EXD1: variants seen among roughly 807,000 people sequenced by gnomAD.
EXD1 encodes the protein piRNA biogenesis protein EXD1.
Under a neutral mutation model 49.1 loss-of-function variants are expected in EXD1, and 63 were observed. That is an observed-to-expected ratio of 1.28 (90% confidence interval 1.05 to 1.58). The LOEUF is 1.58. Among genes scored for constraint, EXD1 ranks in the 40% most tolerant of loss-of-function variants. EXD1 has a pLI of 0.00. For synonymous variants in EXD1, 234 were observed against 239.2 expected (o/e 0.98, Z 0.20); for missense variants, 748 against 666.0 (o/e 1.12, Z -1.36).
chr15:41,191,003 G>A (rs1204030443), intron 10 of EXD1, among the ~76,000 whole-genome samples: 2 of 151,710 alleles, frequency 1.3e-5, no homozygotes, highest in African/African-American at 2.4e-5. Flanking sequence ...AATGTCCACC[G>A]CCCCTGCCCC....
At position 41,199,258 on chromosome 15, in the gene EXD1, T is replaced by A. The variant is rs1037156696; in HGVS notation, c.535-3221A>T. ...TGAGCTACCACACCTGGCCAAAAATTTTTTTTTAATATGGAGATGGGGTCT... is the reference window on the plus strand; with the variant it reads ...TGAGCTACCACACCTGGCCAAAAATATTTTTTTAATATGGAGATGGGGTCT... On this transcript the variant is annotated intron_variant, in intron 7 of 11. Transcript: ENST00000458580. 7.9e-5 allele frequency among the ~76,000 whole-genome samples: 12 copies of A among 151,868 alleles called. No individual in the cohort carries two copies. In the East Asian group the frequency reaches 2.3e-3, roughly 29 times the overall value.
chr15:41,208,369 GAAAAAAAA>G (rs10586810), intron 7 of EXD1, among the ~76,000 whole-genome samples: 1 of 62,680 alleles, frequency 1.6e-5, no homozygotes, highest in African/African-American at 5.2e-5. Context: ...ACTCATCTCT[GAAAAAAAA>G]AAAAAAAAAA....
In EXD1 at chr15:41,223,194, G is replaced by A. The variant is rs560163101; in HGVS notation, c.133+3249C>T. On this transcript the variant is annotated intron_variant, in intron 2 of 11. Coordinates refer to ENST00000458580, the MANE Select transcript of EXD1 (RefSeq NM_001286441.2). ...CCAGCACTTTGGAGGCTGAGTGGGA[G>A]AACTGCTTGAGCCCAGGAGTTCAAG... Among the ~76,000 whole-genome samples, 156 of 152,202 alleles carry A rather than the reference G, an allele frequency of 1.0e-3. 1 individual carries two copies. Among genetic ancestry groups the A allele is most frequent in the Non-Finnish European group, 1.6e-3 (110 of 68,002 alleles).
intron 2 of EXD1, among the ~76,000 whole-genome samples, chr15:41,221,271 C>T (rs574208551): frequency 3.3e-5 from 5 of 152,034 alleles, no homozygotes; most frequent in South Asian, 2.1e-4. Flanking sequence ...TTTTAATATG[C>T]TTTTTTATTT....
intron 11 of EXD1, among the ~76,000 whole-genome samples, chr15:41,184,945 A>C (rs691011): frequency 0.75 from 113,988 of 151,924 alleles, 42,940 homozygotes; most frequent in East Asian, 0.99. Context: ...CGTGAGCCAT[A>C]GTGCCCGGCC....
chr15:41,230,286 T>C (rs1024605476), intron 1 of EXD1, among the ~76,000 whole-genome samples, 193 bp downstream of exon 1: 3 of 152,072 alleles, frequency 2.0e-5, no homozygotes, highest in South Asian at 2.1e-4. Context: ...TTTCTCCATA[T>C]TGGTCAGGCT....
At chr15:41,208,369 G>GAAAAAAAAAAA (rs10586810) in intron 7 of EXD1, among the ~76,000 whole-genome samples, 2 of 62,678 alleles carry the variant, frequency 3.2e-5, no homozygotes, top group African/African-American at 1.0e-4. Context: ...ACTCATCTCT[G>GAAAAAAAAAAA]AAAAAAAAAA....
At chr15:41,218,779 A>C (rs898595078) in intron 3 of EXD1, among the ~76,000 whole-genome samples, 6 of 152,230 alleles carry the variant, frequency 3.9e-5, no homozygotes, top group African/African-American at 9.6e-5. Flanking sequence ...CAGAGTGTTC[A>C]TGACAGCATA....
intron 1 of EXD1, among the ~76,000 whole-genome samples, chr15:41,229,482 A>G (rs1228693617): frequency 1.3e-5 from 2 of 151,168 alleles, no homozygotes; most frequent in East Asian, 3.9e-4. Context: ...CAAAAAAACA[A>G]AACAAGCCAG....
At chr15:41,194,902 A>G (rs2046586325) in intron 9 of EXD1, among the ~76,000 whole-genome samples, 1 of 152,214 alleles carries the variant, frequency 6.6e-6, no homozygotes, top group Non-Finnish European at 1.5e-5. Context: ...TGAACCAAAT[A>G]TAGTAACATA....
intron 1 of EXD1, among the ~76,000 whole-genome samples, chr15:41,226,930 C>A (rs1426892304): frequency 1.3e-5 from 2 of 152,000 alleles, no homozygotes; most frequent in East Asian, 1.9e-4. Flanking sequence ...TTTAATGGCA[C>A]ATTTATACAT....
intron 2 of EXD1, among the ~76,000 whole-genome samples, chr15:41,222,557 ATCTT>A (rs2047104804): frequency 6.6e-6 from 1 of 152,060 alleles, no homozygotes; most frequent in Admixed American, 6.6e-5. Flanking sequence ...CATCCTTTGC[ATCTT>A]TCTATCAGAG....
intron 11 of EXD1, among the ~76,000 whole-genome samples, chr15:41,186,870 G>A (rs1478504033): frequency 1.3e-5 from 2 of 148,874 alleles, no homozygotes; most frequent in Non-Finnish European, 3.0e-5. Flanking sequence ...CACCTCCTGG[G>A]TTCAAGCGAT....
chr15:41,202,285 G>A (rs1294199439), intron 7 of EXD1, among the ~76,000 whole-genome samples: 2 of 151,522 alleles, frequency 1.3e-5, no homozygotes, highest in African/African-American at 2.4e-5. Flanking sequence ...AGTAATTCTC[G>A]TGCCTCAGCC....
chr15:41,191,779 C>T (rs1253477124), intron 9 of EXD1, among the ~76,000 whole-genome samples, 194 bp from the exon 10 acceptor site: 1 of 151,806 alleles, frequency 6.6e-6, no homozygotes, highest in Non-Finnish European at 1.5e-5. Flanking sequence ...GGAATAAAAG[C>T]TCAATTTTTT....
At chr15:41,218,147 C>T (rs2047029646) in intron 3 of EXD1, among the ~76,000 whole-genome samples, 2 of 152,044 alleles carry the variant, frequency 1.3e-5, no homozygotes, top group South Asian at 4.1e-4. Context: ...GAGTTCGAGA[C>T]CAGCCTGGCC....
chr15:41,206,130 G>A (rs2046818363), intron 7 of EXD1, among the ~76,000 whole-genome samples: 1 of 152,056 alleles, frequency 6.6e-6, no homozygotes, highest in South Asian at 2.1e-4. Flanking sequence ...TAGATTATGT[G>A]TAAAACTGAT....
chr15:41,216,150 TCA>T (rs1454779379), intron 5 of EXD1, among the ~76,000 whole-genome samples: 1 of 152,152 alleles, frequency 6.6e-6, no homozygotes, highest in Non-Finnish European at 1.5e-5. Context: ...CAGTATGTAC[TCA>T]GTTATTAAAT....
chr15:41,212,616 C>A (rs1021530460), intron 6 of EXD1, among the ~76,000 whole-genome samples: 1 of 152,154 alleles, frequency 6.6e-6, no homozygotes, highest in African/African-American at 2.4e-5. Flanking sequence ...GAAATAAAAT[C>A]ATCCACACAA....
Sources: gnomAD v4.1 joint callset for allele counts (sites outside exome capture counted in the v4.1 genomes callset) on GRCh38, gnomAD v4.1.1 for gene constraint, MANE v1.5 for transcripts, NCBI Gene and HGNC (gene_info 2026-07-23, HGNC 2026-07-21) for gene names.